Variants in PPFIBP1 observed in about 807,000 individuals in gnomAD.
PPFIBP1 encodes PPFIB scaffold protein 1.
In PPFIBP1, 112 loss-of-function variants were observed where a neutral mutation model predicts 137.8. That is an observed-to-expected ratio of 0.81 (90% CI 0.70 to 0.95). PPFIBP1 has a LOEUF of 0.95. Among genes scored for constraint, PPFIBP1 ranks in the 40% least tolerant of loss-of-function variants. The probability of loss-of-function intolerance (pLI) is 0.00; values close to 1 mark genes in which losing one functional copy is unlikely to be tolerated. For synonymous variants in PPFIBP1, 378 were observed against 417.3 expected, an observed-to-expected ratio of 0.91 and a Z score of 1.15; for missense variants, 1,083 against 1,196.6, an observed-to-expected ratio of 0.91 and a Z score of 1.40.
chr12:27,543,698 T>C (rs2136055473), intron 1 of PPFIBP1, among the ~76,000 whole-genome samples: 1 of 152,292 alleles, frequency 6.6e-6, no homozygotes, highest in South Asian at 2.1e-4. Flanking sequence ...AAGTTTCCTG[T>C]CATGTTTAGA....
At chr12:27,637,420 G>A (rs550219523) in intron 4 of PPFIBP1, 5 of 152,088 alleles carry the variant, frequency 3.3e-5, no homozygotes, top group Admixed American at 2.0e-4. Context: ...TTAACCTTGA[G>A]AATCCACAAA....
Position 27,647,755 on chromosome 12 carries a change from G to A in PPFIBP1, c.384G>A (p.Glu128=), listed in dbSNP as rs761171236. 5 of 1,609,496 alleles carry A rather than the reference G, an allele frequency of 3.1e-6. No homozygotes were observed. The highest frequency in any genetic ancestry group is 4.2e-6 in the Non-Finnish European group (5 of 1,178,032). The change falls in exon 6 of 30, where the codon GAG becomes GAA. Residue 128 remains glutamate (E), a synonymous_variant. Coordinates refer to ENST00000228425, the MANE Select transcript of PPFIBP1 (RefSeq NM_003622.4). The part of the protein sequence containing the change: ...LQVSVLTDQV[E]AQGEKIRDLE... ...TAAGTGTGTTAACAGACCAGGTGGA[G>A]GCTCAGGGAGAGAAGATTCGAGATT...
chr12:27,654,573 G>C (rs2059081248), intron 7 of PPFIBP1, 149 bp from the exon 8 acceptor site: 1 of 977,450 alleles, frequency 1.0e-6, no homozygotes, highest in African/African-American at 1.7e-5. Flanking sequence ...TCTTAAGGAG[G>C]TACATTTATT....
intron 2 of PPFIBP1, among the ~76,000 whole-genome samples, chr12:27,618,515 A>T (rs1223664468): frequency 6.6e-6 from 1 of 152,204 alleles, no homozygotes; most frequent in African/African-American, 2.4e-5. Flanking sequence ...CTTTCTATTG[A>T]TAGTAAGTCT....
intron 2 of PPFIBP1, among the ~76,000 whole-genome samples, chr12:27,621,417 A>T (rs1224623193): frequency 6.6e-6 from 1 of 152,342 alleles, no homozygotes; most frequent in Admixed American, 6.5e-5. Context: ...CTGAAATATG[A>T]ATAATTTGAA....
chr12:27,682,192 C>G, intron 22 of PPFIBP1, among the ~76,000 whole-genome samples, 195 bp from the exon 23 acceptor site: 1 of 152,124 alleles, frequency 6.6e-6, no homozygotes. Context: ...CTAACACACC[C>G]CTAAGATAAT....
chr12:27,653,615 GGA>G (rs2059018228), intron 7 of PPFIBP1, among the ~76,000 whole-genome samples: 4 of 151,250 alleles, frequency 2.6e-5, no homozygotes, highest in African/African-American at 9.7e-5. Flanking sequence ...AAAAGGAGAG[GGA>G]GAGAGAAGCA....
intron 2 of PPFIBP1, among the ~76,000 whole-genome samples, chr12:27,610,691 A>G (rs146939167): frequency 5.8e-4 from 89 of 152,316 alleles, no homozygotes; most frequent in African/African-American, 2.0e-3. Flanking sequence ...CTATCCATCA[A>G]TCATTAGATT....
chr12:27,597,206 C>T (rs903634007), intron 2 of PPFIBP1, among the ~76,000 whole-genome samples: 16 of 152,094 alleles, frequency 1.1e-4, no homozygotes, highest in South Asian at 2.1e-4. Flanking sequence ...CTCGTTCTGT[C>T]GCCCAGGCTG....
At chr12:27,537,314 G>A (rs1170360634) in intron 1 of PPFIBP1, among the ~76,000 whole-genome samples, 2 of 152,142 alleles carry the variant, frequency 1.3e-5, no homozygotes, top group Non-Finnish European at 2.9e-5. Context: ...TGTGTTTTTA[G>A]TAGAGATGGG....
intron 28 of PPFIBP1, 28 bp downstream of exon 28, chr12:27,691,956 C>T (rs375995568): frequency 1.1e-5 from 17 of 1,545,756 alleles, no homozygotes; most frequent in African/African-American, 8.3e-5. Context: ...TAACTTTTTG[C>T]GAGTTCTTCC....
chr12:27,530,860 G>A (rs532826052), intron 1 of PPFIBP1, among the ~76,000 whole-genome samples: 3 of 152,324 alleles, frequency 2.0e-5, no homozygotes, highest in Non-Finnish European at 2.9e-5. Context: ...AGGCCATCGC[G>A]TGACCAAAGA....
intron 19 of PPFIBP1, chr12:27,677,304 A>C: frequency 1.6e-6 from 1 of 614,368 alleles, no homozygotes; most frequent in South Asian, 2.0e-5. Context: ...AACCAATACT[A>C]GTAACACTCA....
intron 1 of PPFIBP1, among the ~76,000 whole-genome samples, chr12:27,574,410 A>G (rs868185432): frequency 2.0e-5 from 3 of 152,288 alleles, no homozygotes; most frequent in Non-Finnish European, 4.4e-5. Context: ...GAAGGGCCTG[A>G]ACTTCCTGGA....
intron 2 of PPFIBP1, among the ~76,000 whole-genome samples, chr12:27,618,727 A>G (rs943234253): frequency 6.6e-6 from 1 of 152,224 alleles, no homozygotes; most frequent in Non-Finnish European, 1.5e-5. Flanking sequence ...CCTTGGGCAC[A>G]TGTTCTCAGG....
intron 21 of PPFIBP1, among the ~76,000 whole-genome samples, chr12:27,681,280 C>G (rs2060858145): frequency 1.3e-5 from 2 of 152,180 alleles, no homozygotes; most frequent in South Asian, 4.1e-4. Context: ...TTGTGTTTGT[C>G]CAATTTGGTC....
chr12:27,592,661 A>C lies in PPFIBP1; in HGVS notation c.-36+14422A>C, dbSNP rs192437991. On this transcript the variant is annotated intron_variant, in intron 2 of 29. Coordinates refer to ENST00000228425, the MANE Select transcript of PPFIBP1 (RefSeq NM_003622.4). ...AGGCAGCACTGGGCCTGTGTGTGGG[A>C]AGGAGTGTCATCCTTCTCCGGCTGC... is the stretch of plus-strand genomic sequence containing the variant. The C allele has an allele frequency of 5.7e-4, 900 of 1,567,548 alleles. 3 individuals carry two copies. In the African/African-American group the frequency reaches 0.011, roughly 18 times the overall value.
intron 2 of PPFIBP1, among the ~76,000 whole-genome samples, chr12:27,597,796 A>G (rs2053490261): frequency 3.9e-5 from 6 of 151,994 alleles, no homozygotes; most frequent in Admixed American, 2.6e-4. Context: ...TTATTTATTT[A>G]TTTATGTATT....
intron 11 of PPFIBP1, among the ~76,000 whole-genome samples, chr12:27,662,806 T>TAG (rs973579878): frequency 1.3e-5 from 2 of 152,222 alleles, no homozygotes; most frequent in African/African-American, 4.8e-5. Flanking sequence ...AAGATTAATG[T>TAG]AGAACTATAG....
Sources: gnomAD v4.1 joint callset for allele counts (sites outside exome capture counted in the v4.1 genomes callset) on GRCh38, gnomAD v4.1.1 for gene constraint, MANE v1.5 for transcripts, NCBI Gene and HGNC (gene_info 2026-07-23, HGNC 2026-07-21) for gene names.